WDR59: variants seen among roughly 807,000 people sequenced by gnomAD.
The protein encoded by WDR59 is WD repeat domain 59.
WDR59 carries 100 observed loss-of-function variants against 131.2 expected under a neutral mutation model. The ratio of observed to expected loss-of-function variants is 0.76; its 90% CI spans 0.65 to 0.90. WDR59 has a LOEUF of 0.90. Among genes scored for constraint, WDR59 ranks in the 40% least tolerant of loss-of-function variants. The pLI, the probability that WDR59 is intolerant of heterozygous loss-of-function variation, is 0.00. For synonymous variants in WDR59, 601 were observed against 466.2 expected (o/e 1.29, Z -3.72); for missense variants, 1,203 against 1,262.2 (o/e 0.95, Z 0.71).
chr16:74,894,688 C>T (rs770387631), intron 18 of WDR59, among the ~76,000 whole-genome samples: 11 of 152,144 alleles, frequency 7.2e-5, no homozygotes, highest in Admixed American at 2.0e-4. Flanking sequence ...AAAAGGCCTC[C>T]AATTTGGAAT....
intron 3 of WDR59, among the ~76,000 whole-genome samples, chr16:74,955,440 G>A (rs1367778531): frequency 6.6e-6 from 1 of 152,042 alleles, no homozygotes; most frequent in Non-Finnish European, 1.5e-5. Context: ...AGGGTGAGAG[G>A]GAAATAAGGG....
chr16:74,878,075 T>C (rs1320820260), intron 25 of WDR59, among the ~76,000 whole-genome samples: 1 of 152,220 alleles, frequency 6.6e-6, no homozygotes, highest in African/African-American at 2.4e-5. Context: ...TCCCTCACTA[T>C]AGGAAGGAGG....
At chr16:74,940,030 C>G (rs1340301834) in intron 7 of WDR59, among the ~76,000 whole-genome samples, 6 of 151,956 alleles carry the variant, frequency 3.9e-5, no homozygotes, top group Admixed American at 3.9e-4. Flanking sequence ...TGCCTGGGTT[C>G]AAATTTTGGC....
intron 1 of WDR59, among the ~76,000 whole-genome samples, chr16:74,969,872 A>G (rs1310112148): frequency 6.6e-6 from 1 of 151,368 alleles, no homozygotes; most frequent in Admixed American, 6.6e-5. Flanking sequence ...CTGCAGCCTC[A>G]AACTCCTAGA....
intron 1 of WDR59, among the ~76,000 whole-genome samples, chr16:74,969,614 G>A (rs2033904429): frequency 6.7e-6 from 1 of 149,742 alleles, no homozygotes; most frequent in African/African-American, 2.5e-5. Flanking sequence ...CACTCTCGTT[G>A]CCCAGGCTGG....
chr16:74,948,051 C>T (rs1459557834), intron 6 of WDR59, among the ~76,000 whole-genome samples: 2 of 151,978 alleles, frequency 1.3e-5, no homozygotes, highest in East Asian at 1.9e-4. Flanking sequence ...GCCTGGGCAA[C>T]AAGAGCAAGA....
intron 18 of WDR59, among the ~76,000 whole-genome samples, chr16:74,900,845 G>A (rs180824301): frequency 1.2e-4 from 19 of 152,364 alleles, no homozygotes; most frequent in Admixed American, 2.0e-4. Flanking sequence ...TGGGCCGGGT[G>A]CAGTGGCTCA....
chr16:74,922,039 A>G lies in WDR59; in HGVS notation c.794T>C (p.Leu265Pro). 1 of 1,614,220 alleles carries G rather than the reference A, an allele frequency of 6.2e-7. No homozygotes were observed. ...PQLRRENSLL[L>P]WNVFDLNTPV... is the part of the protein sequence containing the mutation. ...GGTGTTCAAGTCAAAGACATTCCAC[A>G]GGAGAAGGCTGTTTTCCCTCCGCAG... The change falls in exon 10 of 26, where the codon CTG becomes CCG. Residue 265 changes from leucine to proline, a missense_variant. By Grantham distance (98) the Leu-to-Pro change is moderately conservative. Coordinates refer to ENST00000262144, the MANE Select transcript of WDR59 (RefSeq NM_030581.4).
At chr16:74,912,472 GA>G in intron 13 of WDR59, 110 bp from the exon 14 acceptor site, 1 of 1,165,356 alleles carries the variant, frequency 8.6e-7, no homozygotes, top group Non-Finnish European at 1.2e-6. Flanking sequence ...TGAAGGGAAA[GA>G]GTCTACAAAG....
At chr16:74,982,962 T>C (rs982596444) in intron 1 of WDR59, among the ~76,000 whole-genome samples, 5 of 152,248 alleles carry the variant, frequency 3.3e-5, no homozygotes, top group African/African-American at 1.2e-4. Context: ...AGTGTATACC[T>C]GAAGGGAGCT....
At chr16:74,910,504 G>T (rs1172999328) in intron 14 of WDR59, among the ~76,000 whole-genome samples, 1 of 152,094 alleles carries the variant, frequency 6.6e-6, no homozygotes, top group Non-Finnish European at 1.5e-5. Flanking sequence ...TCTTTCTAGT[G>T]AACTCTGCCC....
At chr16:74,893,636 T>TG in intron 19 of WDR59, 43 bp downstream of exon 19, 1 of 1,551,582 alleles carries the variant, frequency 6.4e-7, no homozygotes, top group Non-Finnish European at 8.7e-7. Context: ...TTGCTAATCC[T>TG]GGCTAAATGA....
intron 1 of WDR59, among the ~76,000 whole-genome samples, chr16:74,981,660 A>ATTTTTT (rs1181233727): frequency 1.7e-4 from 14 of 80,868 alleles, no homozygotes; most frequent in African/African-American, 8.8e-4. Flanking sequence ...ATATATATAT[A>ATTTTTT]TTTTTTTTTT....
intron 7 of WDR59, among the ~76,000 whole-genome samples, chr16:74,939,936 G>C (rs2032086326): frequency 6.6e-6 from 1 of 152,146 alleles, no homozygotes; most frequent in Non-Finnish European, 1.5e-5. Flanking sequence ...AGTGAGCTAT[G>C]ATTGTGCAAC....
intron 8 of WDR59, among the ~76,000 whole-genome samples, chr16:74,936,431 G>A (rs1406595403): frequency 6.6e-6 from 1 of 152,102 alleles, no homozygotes; most frequent in Non-Finnish European, 1.5e-5. Flanking sequence ...ATGACACTGA[G>A]TATCAACAAA....
chr16:74,951,757 T>C (rs1057143851), intron 3 of WDR59, among the ~76,000 whole-genome samples: 1 of 152,134 alleles, frequency 6.6e-6, no homozygotes, highest in East Asian at 1.9e-4. Flanking sequence ...AATCTCAAAA[T>C]GGAAAGGCAG....
intron 10 of WDR59, among the ~76,000 whole-genome samples, chr16:74,919,039 C>G (rs1360310763): frequency 6.6e-6 from 1 of 152,104 alleles, no homozygotes; most frequent in African/African-American, 2.4e-5. Context: ...TCTTCCTGCC[C>G]CTGACTTTGA....
At chr16:74,945,760 G>A (rs1045036068) in intron 6 of WDR59, among the ~76,000 whole-genome samples, 7 of 151,666 alleles carry the variant, frequency 4.6e-5, no homozygotes, top group African/African-American at 9.7e-5. Context: ...AGTCACTCCC[G>A]GTACAGTACA....
At chr16:74,899,695 T>C in intron 18 of WDR59, 1 of 1,289,076 alleles carries the variant, frequency 7.8e-7, no homozygotes, top group Non-Finnish European at 1.0e-6. Flanking sequence ...CAGCGCACAG[T>C]ACCGGGAAGT....
Sources: allele counts gnomAD v4.1 joint callset (sites outside exome capture counted in the v4.1 genomes callset), GRCh38; gene constraint gnomAD v4.1.1; transcripts MANE v1.5; gene names NCBI Gene and HGNC (gene_info 2026-07-23, HGNC 2026-07-21).